The following CSNK1G1 variants were observed in gnomAD, a reference collection of about 807,000 sequenced individuals.
CSNK1G1 encodes the protein casein kinase I isoform gamma-1.
In CSNK1G1, 22 loss-of-function variants were observed where a neutral mutation model predicts 59.6. That is an observed-to-expected ratio of 0.37 (90% CI 0.26 to 0.53). The LOEUF (loss-of-function observed/expected upper bound fraction) is 0.53. Ranked by LOEUF, CSNK1G1 falls within the 20% of genes least tolerant of loss-of-function variation. The pLI, the probability that CSNK1G1 is intolerant of heterozygous loss-of-function variation, is 0.89. For synonymous variants in CSNK1G1, 179 were observed against 177.1 expected, an observed-to-expected ratio of 1.01 and a Z score of -0.08; for missense variants, 384 against 519.5, an observed-to-expected ratio of 0.74 and a Z score of 2.54.
chr15:64,187,011 CG>C (rs2081905522), intron 10 of CSNK1G1, among the ~76,000 whole-genome samples: 1 of 151,500 alleles, frequency 6.6e-6, no homozygotes, highest in Non-Finnish European at 1.5e-5. Context: ...TTAGTAGAGA[CG>C]GGGTTTCACC....
At chr15:64,336,918 G>GC (rs1308323233) in intron 1 of CSNK1G1, among the ~76,000 whole-genome samples, 3 of 152,116 alleles carry the variant, frequency 2.0e-5, no homozygotes, top group Non-Finnish European at 4.4e-5. Context: ...AGAAACACAT[G>GC]CTTGTTATTT....
chr15:64,338,108 A>G (rs1897485174), intron 1 of CSNK1G1, among the ~76,000 whole-genome samples: 1 of 152,128 alleles, frequency 6.6e-6, no homozygotes, highest in Admixed American at 6.6e-5. Flanking sequence ...ATTCTTTTAG[A>G]TATATGCCTA....
At chr15:64,179,602 G>A (rs2140208493) in intron 11 of CSNK1G1, among the ~76,000 whole-genome samples, 1 of 152,266 alleles carries the variant, frequency 6.6e-6, no homozygotes, top group Admixed American at 6.5e-5. Flanking sequence ...GTCTAAATCT[G>A]GATCTAAATT....
chr15:64,321,723 A>G (rs1407242359), intron 1 of CSNK1G1, among the ~76,000 whole-genome samples: 1 of 152,246 alleles, frequency 6.6e-6, no homozygotes, highest in Non-Finnish European at 1.5e-5. Flanking sequence ...GGTAAATTTA[A>G]AAGTGTCTGG....
chr15:64,219,616 A>G (rs1039816540), intron 4 of CSNK1G1, among the ~76,000 whole-genome samples: 1 of 151,834 alleles, frequency 6.6e-6, no homozygotes, highest in Non-Finnish European at 1.5e-5. Flanking sequence ...ATGACACCAC[A>G]TCGGGCTAGT....
Position 64,214,659 on chromosome 15 carries a change from CATTATT to C in CSNK1G1, c.445-541_445-536del, listed in dbSNP as rs751689351. Among the ~76,000 whole-genome samples, 16 of 151,928 alleles carry C rather than the reference CATTATT, an allele frequency of 1.1e-4. No individual in the cohort carries two copies. The highest frequency in any genetic ancestry group is 2.4e-4 in the Non-Finnish European group (16 of 67,968). ...TAGCAGCAGAGACAGGGAAACAGTTCATTATTATTATTATTATTTTTGAGACGGAGT... is the reference window on the plus strand; with the variant it reads ...TAGCAGCAGAGACAGGGAAACAGTTCATTATTATTATTTTTGAGACGGAGT... On this transcript the variant is annotated intron_variant, in intron 5 of 11. Coordinates refer to ENST00000303052, the MANE Select transcript of CSNK1G1 (RefSeq NM_022048.5). This position sits in a 1 kb window ranked among gnomAD's most constrained non-coding sequence, Gnocchi z 4.3.
intron 4 of CSNK1G1, among the ~76,000 whole-genome samples, chr15:64,230,555 T>C (rs2082533065): frequency 6.6e-6 from 1 of 152,144 alleles, no homozygotes; most frequent in South Asian, 2.1e-4. Context: ...ACCTCATCCT[T>C]CCCAAACTGC....
At chr15:64,348,072 A>C (rs1391767306) in intron 1 of CSNK1G1, among the ~76,000 whole-genome samples, 1 of 152,158 alleles carries the variant, frequency 6.6e-6, no homozygotes, top group Non-Finnish European at 1.5e-5. Flanking sequence ...ACAATCTTAA[A>C]AAGCTCTATG....
At chr15:64,219,451 C>A (rs1163311852) in intron 4 of CSNK1G1, among the ~76,000 whole-genome samples, 1 of 152,128 alleles carries the variant, frequency 6.6e-6, no homozygotes, top group Non-Finnish European at 1.5e-5. Flanking sequence ...TGCCCAATAT[C>A]CATTCTCCCT....
intron 1 of CSNK1G1, among the ~76,000 whole-genome samples, chr15:64,318,766 G>A (rs1201462655): frequency 1.3e-5 from 2 of 151,154 alleles, no homozygotes; most frequent in African/African-American, 4.9e-5. Flanking sequence ...ACATGCTAAC[G>A]AGCCTGGCTA....
chr15:64,319,020 T>G (rs544694470), intron 1 of CSNK1G1, among the ~76,000 whole-genome samples: 1 of 151,844 alleles, frequency 6.6e-6, no homozygotes, highest in African/African-American at 2.4e-5. Context: ...CTGGCTAAAT[T>G]TTGTACTTTT....
chr15:64,203,183 G>C lies in CSNK1G1; in HGVS notation c.1006C>G (p.Pro336Ala). The change falls in exon 10 of 12, where the codon CCA (proline) becomes GCA (alanine). Residue 336 changes from proline to alanine, a missense_variant. Transcript: ENST00000303052. ...GAATCTACGTGAACTGACCCTACTG[G>C]AGTAGGCTAGAAAAATGAAACAAAA... ...YDWVGRPIPTPVGSVHVDSGA... is the reference protein window; with the variant it reads ...YDWVGRPIPTAVGSVHVDSGA... 6.2e-7 allele frequency: 1 copy of C among 1,611,906 alleles called. No individual in the cohort carries two copies. Among genetic ancestry groups the C allele is most frequent in the Non-Finnish European group, 8.5e-7 (1 of 1,178,102 alleles).
chr15:64,327,184 G>T (rs535294806), intron 1 of CSNK1G1, among the ~76,000 whole-genome samples: 9 of 152,348 alleles, frequency 5.9e-5, no homozygotes, highest in African/African-American at 2.2e-4. Flanking sequence ...ACCTCAAGGA[G>T]GCCTGCCTGC....
rs1372697031 is a variant in CSNK1G1 at position 64,214,749 on chromosome 15, G to A, written c.445-625C>T. Among the ~76,000 whole-genome samples the A allele has an allele frequency of 1.3e-5, 2 of 151,916 alleles. No individual in the cohort carries two copies. The highest frequency in any genetic ancestry group is 2.9e-5 in the Non-Finnish European group (2 of 67,974). ...AGCCTCCTGGGTTCTAGCAATTCTC[G>A]TGCCTCAGCCTCCCGGGTAGCTGGG... On this transcript the variant is annotated intron_variant, in intron 5 of 11. Coordinates refer to ENST00000303052, the MANE Select transcript of CSNK1G1 (RefSeq NM_022048.5). This position sits in a 1 kb window ranked among gnomAD's most constrained non-coding sequence, Gnocchi z 4.3.
At chr15:64,352,101 G>A (rs1381801973) in intron 1 of CSNK1G1, among the ~76,000 whole-genome samples, 12 of 152,036 alleles carry the variant, frequency 7.9e-5, no homozygotes, top group Admixed American at 7.9e-4. Context: ...GAGGTCACGA[G>A]TTAGAGAGCC....
At chr15:64,217,294 T>C (rs868626751) in intron 4 of CSNK1G1, among the ~76,000 whole-genome samples, 1 of 152,072 alleles carries the variant, frequency 6.6e-6, no homozygotes, top group Non-Finnish European at 1.5e-5. Flanking sequence ...TGGAGAAAAG[T>C]CAACAGACAC....
At chr15:64,253,692 A>G (rs1336087992) in intron 3 of CSNK1G1, among the ~76,000 whole-genome samples, 1 of 152,218 alleles carries the variant, frequency 6.6e-6, no homozygotes, top group Non-Finnish European at 1.5e-5. Context: ...ATGAATGGAT[A>G]AACAAAATTG....
rs999343627 is a variant in CSNK1G1, at chr15:64,230,209, A to G, written c.293-13496T>C. 4.0e-5 allele frequency among the ~76,000 whole-genome samples: 6 copies of G among 151,872 alleles called. No homozygotes were observed. The East Asian group carries it at 5.8e-4, about 15-fold the overall frequency. Reference sequence around the variant, plus strand: ...AGCCACCATGCCCTGCCCGGTAAACATATCTTGAATGTTAATTCCTTAAAC... The same window carrying G: ...AGCCACCATGCCCTGCCCGGTAAACGTATCTTGAATGTTAATTCCTTAAAC... On this transcript the variant is annotated intron_variant, in intron 4 of 11. Transcript: ENST00000303052.
chr15:64,267,439 A>G (rs534239957), intron 2 of CSNK1G1, among the ~76,000 whole-genome samples: 64 of 152,226 alleles, frequency 4.2e-4, no homozygotes, highest in African/African-American at 1.5e-3. Context: ...CAGACCATAT[A>G]AGGAACTTGA....
Sources: gnomAD v4.1 joint callset for allele counts (sites outside exome capture counted in the v4.1 genomes callset) on GRCh38, gnomAD v4.1.1 for gene constraint, Gnocchi (gnomAD v3.1) non-coding constraint, MANE v1.5 for transcripts, NCBI Gene and HGNC (gene_info 2026-07-23, HGNC 2026-07-21) for gene names.